The following OOSP3 variants were observed in gnomAD, a reference collection of about 807,000 sequenced individuals.
The protein encoded by OOSP3 is oocyte-secreted protein 3.
At position 59,879,746 on chromosome 11, in the gene OOSP3, G is replaced by A. The variant is rs187743020; in HGVS notation, c.74-515G>A. ...CATAGAAGGATACAGGGTGGAGACA[G>A]AGCAGGTGCAGATCTTCATCTTATT... On this transcript the variant is annotated intron_variant, in intron 1 of 4. Transcript: ENST00000646438. Among the ~76,000 whole-genome samples, 73 of 152,302 alleles carry A rather than the reference G, an allele frequency of 4.8e-4. No individual in the cohort carries two copies. In the South Asian group the frequency reaches 0.014, roughly 29 times the overall value.
chr11:59,886,986 G>T lies in OOSP3; in HGVS notation c.252+6547G>T, dbSNP rs145485473. Among the ~76,000 whole-genome samples the T allele has an allele frequency of 7.0e-3, 1,059 of 151,908 alleles. 16 individuals are homozygous for T. The highest frequency in any genetic ancestry group is 0.024 in the African/African-American group (975 of 41,458). On this transcript the variant is annotated intron_variant, in intron 2 of 4. Coordinates refer to ENST00000646438, the Ensembl canonical transcript of OOSP3. ...TTTTTTGTATTTTTAGTAGAGACTG[G>T]GTTTCACAATGTTGGCCAGGCTGGT...
chr11:59,880,090 T>A (rs1590871686), intron 1 of OOSP3, among the ~76,000 whole-genome samples, 171 bp from the exon 2 acceptor site: 1 of 152,302 alleles, frequency 6.6e-6, no homozygotes, highest in Non-Finnish European at 1.5e-5. Context: ...ATGGGACTGA[T>A]CCTTCATTTA....
intron 2 of OOSP3, among the ~76,000 whole-genome samples, chr11:59,892,666 G>T (rs889773898): frequency 2.0e-5 from 3 of 151,598 alleles, no homozygotes; most frequent in Admixed American, 2.0e-4. Flanking sequence ...AGCACATTCA[G>T]AGTCAAGTCA....
At chr11:59,889,418 T>C (rs1405396966) in intron 2 of OOSP3, among the ~76,000 whole-genome samples, 1 of 152,190 alleles carries the variant, frequency 6.6e-6, no homozygotes, top group Non-Finnish European at 1.5e-5. Context: ...CTTTTCAGCT[T>C]TTTGATGTTA....
intron 2 of OOSP3, among the ~76,000 whole-genome samples, chr11:59,890,830 G>T (rs966830690): frequency 6.6e-6 from 1 of 152,164 alleles, no homozygotes; most frequent in Non-Finnish European, 1.5e-5. Context: ...AGCCTGTCTT[G>T]CTAGGTTAGG....
chr11:59,882,793 G>A (rs1853216625), intron 2 of OOSP3, among the ~76,000 whole-genome samples: 1 of 152,058 alleles, frequency 6.6e-6, no homozygotes, highest in Non-Finnish European at 1.5e-5. Context: ...TCACTTCACT[G>A]CCTCTTCTCC....
intron 2 of OOSP3, among the ~76,000 whole-genome samples, chr11:59,885,586 C>T (rs1853247616): frequency 6.6e-6 from 1 of 152,154 alleles, no homozygotes; most frequent in Non-Finnish European, 1.5e-5. Flanking sequence ...TTTTCTGTTC[C>T]TGCAGTAGTT....
In OOSP3 at chr11:59,887,122, T is replaced by G. The variant is rs1248029069; in HGVS notation, c.252+6683T>G. ...CCACTTTTTAATGGTTTTTTTTTTG[T>G]TGTTTTTTTTTTTGTAAACTTGCTT... On this transcript the variant is annotated intron_variant, in intron 2 of 4. Transcript: ENST00000646438. 4.0e-5 allele frequency among the ~76,000 whole-genome samples: 6 copies of G among 151,102 alleles called. No homozygotes were observed. In the East Asian group the frequency reaches 1.2e-3, roughly 29 times the overall value.
At chr11:59,879,093 T>G (rs972761835) in intron 1 of OOSP3, among the ~76,000 whole-genome samples, 1 of 152,204 alleles carries the variant, frequency 6.6e-6, no homozygotes, top group South Asian at 2.1e-4. Flanking sequence ...GCTAGTTTTA[T>G]TCTTCCTCTG....
At chr11:59,885,480 C>A (rs190639092) in intron 2 of OOSP3, among the ~76,000 whole-genome samples, 1 of 152,036 alleles carries the variant, frequency 6.6e-6, no homozygotes, top group Admixed American at 6.5e-5. Flanking sequence ...CCTCCCCATC[C>A]CCCTGACAGT....
In OOSP3 at chr11:59,880,246, A is replaced by AT; in HGVS notation, c.74-7dup. On this transcript the variant is annotated splice_polypyrimidine_tract_variant and intron_variant, in intron 1 of 4. Transcript: ENST00000646438. ...AATTGCTATCTAAATGTTTAAAAAA[A>AT]TTTTTTTTCAACAGTGTCAGTAGGA... 2.5e-6 allele frequency: 1 copy of AT among 398,170 alleles called. No individual in the cohort carries two copies. The allele number at this position is 398,170 out of a possible 1,614,324, so 24.7% of individuals were successfully genotyped here.
intron 2 of OOSP3, among the ~76,000 whole-genome samples, chr11:59,881,947 G>C (rs969592322): frequency 6.6e-6 from 1 of 152,214 alleles, no homozygotes; most frequent in Admixed American, 6.5e-5. Flanking sequence ...TCTCCATTTA[G>C]AGGTATGTGT....
At chr11:59,885,868 T>TA (rs1283326818) in intron 2 of OOSP3, among the ~76,000 whole-genome samples, 2 of 152,004 alleles carry the variant, frequency 1.3e-5, no homozygotes, top group Non-Finnish European at 2.9e-5. Flanking sequence ...TTTCTTTTTT[T>TA]AAAAAATATT....
At chr11:59,896,287 A>G (rs1853357204) in exon 5 of OOSP3, 4 of 397,150 alleles carry the variant, frequency 1.0e-5, no homozygotes, top group Non-Finnish European at 1.8e-5. Context: ...CACTCACTAC[A>G]GATTTATCAC....
chr11:59,894,132 C>A (rs1853335628), exon 3 of OOSP3: 2 of 398,392 alleles, frequency 5.0e-6, no homozygotes, highest in Admixed American at 4.4e-5. Flanking sequence ...ATATAATGCA[C>A]AAAGGAGTCA....
At chr11:59,893,236 T>C (rs1449000350) in intron 2 of OOSP3, among the ~76,000 whole-genome samples, 2 of 152,254 alleles carry the variant, frequency 1.3e-5, no homozygotes, top group East Asian at 3.8e-4. Context: ...ATTTAACAGG[T>C]TGAAAAATAG....
intron 2 of OOSP3, among the ~76,000 whole-genome samples, chr11:59,882,001 C>T (rs1220769872): frequency 6.6e-6 from 1 of 152,236 alleles, no homozygotes; most frequent in African/African-American, 2.4e-5. Context: ...TGCTGTTTCA[C>T]ATCTACAAAA....
intron 2 of OOSP3, among the ~76,000 whole-genome samples, chr11:59,888,724 T>C (rs1301769713): frequency 1.3e-5 from 2 of 152,244 alleles, no homozygotes; most frequent in African/African-American, 2.4e-5. Context: ...GATTTTTGCA[T>C]TGATATTCAT....
exon 5 of OOSP3, chr11:59,896,415 A>T (rs1247168691): frequency 5.5e-6 from 2 of 360,730 alleles, no homozygotes; most frequent in African/African-American, 2.1e-5. Context: ...GTCTCTTATA[A>T]TACAATGTCT....
Sources: gnomAD v4.1 joint callset for allele counts (sites outside exome capture counted in the v4.1 genomes callset) on GRCh38, gnomAD v4.1.1 for gene constraint, MANE v1.5 for transcripts, NCBI Gene and HGNC (gene_info 2026-07-23, HGNC 2026-07-21) for gene names.